The following ENOX1 variants were observed in gnomAD, a reference collection of about 807,000 sequenced individuals.
ENOX1 encodes the protein candidate growth-related and time keeping constitutive hydroquinone (NADH) oxidase.
Under a neutral mutation model 82.5 loss-of-function variants are expected in ENOX1, and 42 were observed. The ratio of observed to expected loss-of-function variants is 0.51; its 90% CI spans 0.40 to 0.66. ENOX1 has a LOEUF of 0.66. Ranked by LOEUF, ENOX1 falls within the 30% of genes least tolerant of loss-of-function variation. The pLI is 0.00. For synonymous variants in ENOX1, 271 were observed against 282.2 expected, an observed-to-expected ratio of 0.96 and a Z score of 0.40; for missense variants, 608 against 811.6, an observed-to-expected ratio of 0.75 and a Z score of 3.05.
Position 43,293,315 on chromosome 13 carries a change from C to T in ENOX1, c.1446+5031G>A, listed in dbSNP as rs181168874. ...AATAAGGCCACCACAGCCAGCACCC[C>T]CACCACGGCCATCTTCACCACCATA... On this transcript the variant is annotated intron_variant, in intron 12 of 16. Transcript: ENST00000690772. Among the ~76,000 whole-genome samples the T allele has an allele frequency of 6.6e-5, 10 of 152,190 alleles. No individual in the cohort carries two copies. In the South Asian group the frequency reaches 8.3e-4, roughly 13 times the overall value.
At chr13:43,632,230 ATGG>A (rs1037218677) in intron 2 of ENOX1, among the ~76,000 whole-genome samples, 8 of 152,050 alleles carry the variant, frequency 5.3e-5, no homozygotes, top group African/African-American at 1.7e-4. Flanking sequence ...GATCTCATAG[ATGG>A]TGAATTTTTT....
chr13:43,287,241 T>C (rs1278359083), intron 12 of ENOX1, among the ~76,000 whole-genome samples: 3 of 152,156 alleles, frequency 2.0e-5, no homozygotes, highest in Non-Finnish European at 4.4e-5. Flanking sequence ...GTAAGGGGCA[T>C]TGGAGTAAAC....
chr13:43,468,355 A>G (rs68177639), intron 3 of ENOX1, among the ~76,000 whole-genome samples: 72,977 of 151,476 alleles, frequency 0.48, 18,076 homozygotes, highest in African/African-American at 0.54. Flanking sequence ...CTAATTTTTT[A>G]TATTTTTAGT....
intron 12 of ENOX1, among the ~76,000 whole-genome samples, chr13:43,296,877 C>G (rs772520006): frequency 1.3e-5 from 2 of 152,184 alleles, no homozygotes; most frequent in Non-Finnish European, 2.9e-5. Flanking sequence ...TGGGCTAGGT[C>G]TGGCGTCATG....
intron 9 of ENOX1, among the ~76,000 whole-genome samples, chr13:43,330,067 T>C (rs1041671100): frequency 1.3e-5 from 2 of 152,236 alleles, no homozygotes; most frequent in South Asian, 2.1e-4. Context: ...TCATTGCTTA[T>C]AGCAGGAAAC....
intron 1 of ENOX1, among the ~76,000 whole-genome samples, chr13:43,708,017 T>C (rs2087430535): frequency 1.3e-5 from 2 of 151,812 alleles, no homozygotes; most frequent in South Asian, 2.1e-4. Flanking sequence ...CTCTCTAAAA[T>C]AATTGGTTGT....
At chr13:43,493,144 C>T (rs1216882572) in intron 2 of ENOX1, among the ~76,000 whole-genome samples, 4 of 152,168 alleles carry the variant, frequency 2.6e-5, no homozygotes, top group African/African-American at 9.7e-5. Context: ...CTCTCTCTCT[C>T]TCTCTCCCCC....
At chr13:43,322,990 A>T (rs1371463549) in intron 10 of ENOX1, among the ~76,000 whole-genome samples, 1 of 152,266 alleles carries the variant, frequency 6.6e-6, no homozygotes, top group Admixed American at 6.5e-5. Context: ...TATTATGATT[A>T]AAAATAGTTT....
At chr13:43,401,297 A>G (rs2053482237) in intron 5 of ENOX1, among the ~76,000 whole-genome samples, 1 of 152,220 alleles carries the variant, frequency 6.6e-6, no homozygotes, top group Non-Finnish European at 1.5e-5. Flanking sequence ...TACTTTAAAC[A>G]ACTCAAAAAT....
At chr13:43,608,687 T>G (rs80256399) in intron 2 of ENOX1, among the ~76,000 whole-genome samples, 2 of 152,184 alleles carry the variant, frequency 1.3e-5, no homozygotes, top group Non-Finnish European at 2.9e-5. Flanking sequence ...ATAAATACCC[T>G]GATGTCATGA....
chr13:43,785,256 T>C (rs1323552869), intron 1 of ENOX1, among the ~76,000 whole-genome samples: 2 of 152,176 alleles, frequency 1.3e-5, no homozygotes, highest in African/African-American at 4.8e-5. Context: ...CCACTTTGCT[T>C]GACAGAGCCG....
At position 43,538,056 on chromosome 13, in the gene ENOX1, T is replaced by C. The variant is rs141115011; in HGVS notation, c.-218-53904A>G. Among the ~76,000 whole-genome samples the C allele has an allele frequency of 3.8e-4, 58 of 152,344 alleles. 1 individual carries two copies. The East Asian group carries it at 0.011, about 28-fold the overall frequency. On this transcript the variant is annotated intron_variant, in intron 2 of 16. Coordinates refer to ENST00000690772, the MANE Select transcript of ENOX1 (RefSeq NM_001347969.2). ...CAGATCTATGACTGTCACAGTGCTC[T>C]TAGCGCTAGCTGATCTCCCTCAGCC...
At chr13:43,279,950 A>C (rs2045283064) in intron 12 of ENOX1, among the ~76,000 whole-genome samples, 4 of 152,224 alleles carry the variant, frequency 2.6e-5, no homozygotes, top group Admixed American at 2.6e-4. Flanking sequence ...TACCTTGCTG[A>C]AGTAGGAACA....
At chr13:43,309,538 G>A (rs1047220986) in intron 11 of ENOX1, among the ~76,000 whole-genome samples, 8 of 152,208 alleles carry the variant, frequency 5.3e-5, no homozygotes, top group South Asian at 2.1e-4. Flanking sequence ...ACTTATTTTC[G>A]GAATTCTCAA....
intron 3 of ENOX1, among the ~76,000 whole-genome samples, chr13:43,455,913 T>C (rs1458587689): frequency 6.6e-6 from 1 of 152,234 alleles, no homozygotes; most frequent in Non-Finnish European, 1.5e-5. Context: ...TCCCCAGCCA[T>C]GTGAAACTGT....
intron 11 of ENOX1, among the ~76,000 whole-genome samples, chr13:43,299,840 GGTC>G (rs2046475429): frequency 6.6e-6 from 1 of 152,160 alleles, no homozygotes; most frequent in Admixed American, 6.5e-5. Flanking sequence ...CTGCACACCA[GGTC>G]GTCAGTGCAT....
At chr13:43,512,618 GTTT>G (rs35147827) in intron 2 of ENOX1, among the ~76,000 whole-genome samples, 196 of 137,146 alleles carry the variant, frequency 1.4e-3, no homozygotes, top group East Asian at 8.5e-3. Context: ...ATGTGTGTGG[GTTT>G]TTTTTTTTTT....
chr13:43,298,581 G>C (rs1376516015), intron 11 of ENOX1, 51 bp from the exon 12 acceptor site: 2 of 1,509,608 alleles, frequency 1.3e-6, no homozygotes, highest in Non-Finnish European at 1.8e-6. Flanking sequence ...TGCTTAGCTT[G>C]AGGAGGCCTT....
chr13:43,358,367 A>G (rs528293334), intron 7 of ENOX1, among the ~76,000 whole-genome samples: 1 of 149,104 alleles, frequency 6.7e-6, no homozygotes, highest in East Asian at 2.0e-4. Context: ...TCCAAAACAC[A>G]GCATTCGAGG....
Sources: allele counts gnomAD v4.1 joint callset (sites outside exome capture counted in the v4.1 genomes callset), GRCh38; gene constraint gnomAD v4.1.1; transcripts MANE v1.5; gene names NCBI Gene and HGNC (gene_info 2026-07-23, HGNC 2026-07-21).